COP1: variants seen among roughly 807,000 people sequenced by gnomAD.
The protein encoded by COP1 is E3 ubiquitin-protein ligase COP1.
In COP1, 24 loss-of-function variants were observed where a neutral mutation model predicts 101.3. That is an observed-to-expected ratio of 0.24 (90% CI 0.17 to 0.33). The LOEUF (loss-of-function observed/expected upper bound fraction) is 0.33, where lower values mean the gene tolerates loss of function less well. Ranked by LOEUF, COP1 falls within the 10% of genes least tolerant of loss-of-function variation. The probability of loss-of-function intolerance (pLI) is 1.00; values close to 1 mark genes in which losing one functional copy is unlikely to be tolerated. For missense variants in COP1, 663 were observed against 906.2 expected (o/e 0.73, Z 3.45); for synonymous variants, 347 against 341.9 (o/e 1.01, Z -0.17).
rs148404777 is a variant in COP1, at chr1:176,154,337, A to G, written c.763-5263T>C. On this transcript the variant is annotated intron_variant, in intron 5 of 19. Coordinates refer to ENST00000367669, the MANE Select transcript of COP1 (RefSeq NM_022457.7). ...CCTTGCATTATAAAGACATATGCAC[A>G]TGTATGTTCACTGCAGCACTATTTA... is the stretch of plus-strand genomic sequence containing the variant. Among the ~76,000 whole-genome samples, 6 of 152,336 alleles carry G rather than the reference A, an allele frequency of 3.9e-5. No individual in the cohort carries two copies. In the East Asian group the frequency reaches 1.2e-3, roughly 29 times the overall value.
intron 18 of COP1, among the ~76,000 whole-genome samples, chr1:175,959,121 G>C (rs950288806): frequency 6.6e-6 from 1 of 151,788 alleles, no homozygotes. Context: ...TCTTGACCAA[G>C]TTGGGCTTAT....
chr1:175,987,646 T>G (rs149775934), intron 17 of COP1, among the ~76,000 whole-genome samples: 1 of 152,194 alleles, frequency 6.6e-6, no homozygotes, highest in South Asian at 2.1e-4. Context: ...CTATTAAAGA[T>G]AGAATAATTG....
At chr1:175,980,674 T>A (rs1409851490) in intron 18 of COP1, among the ~76,000 whole-genome samples, 2 of 151,998 alleles carry the variant, frequency 1.3e-5, no homozygotes, top group African/African-American at 4.8e-5. Flanking sequence ...TCCACCCTAA[T>A]GACCACTGCT....
intron 1 of COP1, among the ~76,000 whole-genome samples, chr1:176,194,767 C>T (rs1020685540): frequency 6.6e-6 from 1 of 151,878 alleles, no homozygotes; most frequent in African/African-American, 2.4e-5. Flanking sequence ...AAAAACATAC[C>T]ATGTAAACAC....
At chr1:176,172,698 T>A (rs919213360) in intron 3 of COP1, among the ~76,000 whole-genome samples, 1 of 152,202 alleles carries the variant, frequency 6.6e-6, no homozygotes, top group African/African-American at 2.4e-5. Flanking sequence ...AATCATGCCG[T>A]CTTAAGCTGA....
At chr1:176,034,570 C>T (rs1330447931) in intron 14 of COP1, among the ~76,000 whole-genome samples, 3 of 152,142 alleles carry the variant, frequency 2.0e-5, no homozygotes, top group Non-Finnish European at 4.4e-5. Context: ...AACAACCCAA[C>T]CTTCTTGACA....
At chr1:176,134,812 TCTA>T (rs956583045) in intron 8 of COP1, among the ~76,000 whole-genome samples, 195 bp downstream of exon 8, 1 of 152,100 alleles carries the variant, frequency 6.6e-6, no homozygotes, top group African/African-American at 2.4e-5. Flanking sequence ...ATTATAGTAT[TCTA>T]CTCGCTAACT....
rs35518162 is a variant in COP1 at position 176,158,630 on chromosome 1, CTTTTTTTTTT to C, written c.762+4229_762+4238del. Among the ~76,000 whole-genome samples, 3 of 79,312 alleles carry C rather than the reference CTTTTTTTTTT, an allele frequency of 3.8e-5. No individual in the cohort carries two copies. In the Admixed American group the frequency reaches 6.3e-4, roughly 17 times the overall value. The allele number at this position is 79,312 out of a possible 152,430, so 52.0% of individuals were successfully genotyped here. A position where few individuals can be genotyped will look rare whatever the true frequency, so the allele number is the denominator to read the frequency against. ...ATGAAAGTATACTGTTTTTAAGGTT[CTTTTTTTTTT>C]TTTTTTTTTTTTTTGTGGAGATGGA... On this transcript the variant is annotated intron_variant, in intron 5 of 19. Coordinates refer to ENST00000367669, the MANE Select transcript of COP1 (RefSeq NM_022457.7).
At chr1:176,000,636 T>TA (rs928806706) in intron 15 of COP1, among the ~76,000 whole-genome samples, 1 of 151,544 alleles carries the variant, frequency 6.6e-6, no homozygotes, top group African/African-American at 2.4e-5. Context: ...TAAATATTTT[T>TA]AAAAAAATGA....
chr1:175,959,386 G>A (rs1213963158), intron 18 of COP1, among the ~76,000 whole-genome samples: 4 of 151,940 alleles, frequency 2.6e-5, no homozygotes, highest in Non-Finnish European at 2.9e-5. Flanking sequence ...CCTTTGGTGA[G>A]GAACAAGTCA....
intron 6 of COP1, among the ~76,000 whole-genome samples, chr1:176,139,202 A>G (rs1468001395): frequency 6.6e-6 from 1 of 151,938 alleles, no homozygotes; most frequent in Non-Finnish European, 1.5e-5. Context: ...CATCAGATAA[A>G]TGTTAACAAA....
At chr1:176,076,243 T>TA (rs922872614) in intron 11 of COP1, among the ~76,000 whole-genome samples, 6 of 151,054 alleles carry the variant, frequency 4.0e-5, no homozygotes, top group East Asian at 3.9e-4. Flanking sequence ...CTCAATAAAT[T>TA]AAAAAAAAAT....
intron 18 of COP1, among the ~76,000 whole-genome samples, chr1:175,976,493 G>C (rs1654633477): frequency 6.6e-6 from 1 of 151,802 alleles, no homozygotes; most frequent in African/African-American, 2.4e-5. Flanking sequence ...GGGCAGGCTG[G>C]TCTCAAACTC....
At chr1:176,127,003 A>C (rs1688097414) in intron 8 of COP1, among the ~76,000 whole-genome samples, 1 of 152,198 alleles carries the variant, frequency 6.6e-6, no homozygotes, top group African/African-American at 2.4e-5. Context: ...TTTCCTCCTA[A>C]GAATATATAA....
intron 6 of COP1, among the ~76,000 whole-genome samples, chr1:176,136,917 T>TC (rs1417492891): frequency 6.8e-6 from 1 of 147,502 alleles, no homozygotes; most frequent in Non-Finnish European, 1.5e-5. Context: ...TTAATCACAC[T>TC]TTTTTTTTTT....
At chr1:176,079,807 G>A (rs16849543) in intron 11 of COP1, among the ~76,000 whole-genome samples, 1 of 152,096 alleles carries the variant, frequency 6.6e-6, no homozygotes, top group African/African-American at 2.4e-5. Flanking sequence ...GGTTATGTGA[G>A]GAATTAGTCC....
chr1:176,183,341 A>G (rs972374925), intron 2 of COP1, among the ~76,000 whole-genome samples: 1 of 152,226 alleles, frequency 6.6e-6, no homozygotes, highest in Non-Finnish European at 1.5e-5. Context: ...AGGTATACTA[A>G]GGCTAAAATA....
Position 176,011,653 on chromosome 1 carries a change from T to C in COP1, c.1729+15919A>G, listed in dbSNP as rs953921972. ...TTCAAAATAGTAACTGTTTTATGGC[T>C]AGAGAGAATTTAGAAATATAACACA... On this transcript the variant is annotated intron_variant, in intron 15 of 19. Transcript: ENST00000367669. Among the ~76,000 whole-genome samples, 48 of 152,336 alleles carry C rather than the reference T, an allele frequency of 3.2e-4. 1 individual carries two copies. Among genetic ancestry groups the C allele is most frequent in the African/African-American group, 1.1e-3 (47 of 41,590 alleles).
At chr1:175,968,523 G>A (rs1351545114) in intron 18 of COP1, 3 of 518,046 alleles carry the variant, frequency 5.8e-6, no homozygotes, top group Admixed American at 1.9e-5. Flanking sequence ...CACATGGCTG[G>A]TTCCAGCAGC....
Sources: allele counts gnomAD v4.1 joint callset (sites outside exome capture counted in the v4.1 genomes callset), GRCh38; gene constraint gnomAD v4.1.1; transcripts MANE v1.5; gene names NCBI Gene and HGNC (gene_info 2026-07-23, HGNC 2026-07-21).